Variants in KCNN2 observed in about 807,000 individuals in gnomAD.
KCNN2 encodes small conductance calcium-activated potassium channel protein 2.
Under a neutral mutation model 55.5 loss-of-function variants are expected in KCNN2, and 24 were observed. That is an observed-to-expected ratio of 0.43 (90% CI 0.31 to 0.61). The LOEUF (loss-of-function observed/expected upper bound fraction) is 0.61, where lower values mean the gene tolerates loss of function less well. KCNN2 is among the 20% of genes least tolerant of loss of function. KCNN2 has a pLI of 0.08. For missense variants in KCNN2, 754 were observed against 853.6 expected, an observed-to-expected ratio of 0.88 and a Z score of 1.45; for synonymous variants, 431 against 336.1, an observed-to-expected ratio of 1.28 and a Z score of -3.09.
intron 2 of KCNN2, among the ~76,000 whole-genome samples, chr5:114,265,347 G>C (rs1755189105): frequency 6.7e-6 from 1 of 149,330 alleles, no homozygotes; most frequent in Admixed American, 6.7e-5. Context: ...GTGTGTGTGT[G>C]TGTGTGTGTG....
chr5:114,363,264 A>G lies in KCNN2; in HGVS notation c.1122+3A>G. Reference sequence around the variant, plus strand: ...TGTCGTGGGGCGCCTACGACAAGGTACAGGCTTGAACCCCAGCCCACGCTA... The same window carrying G: ...TGTCGTGGGGCGCCTACGACAAGGTGCAGGCTTGAACCCCAGCCCACGCTA... On this transcript the variant is annotated splice_donor_region_variant and intron_variant, in intron 1 of 7. Coordinates refer to ENST00000673685, the MANE Select transcript of KCNN2 (RefSeq NM_021614.4). 6.3e-7 allele frequency: 1 copy of G among 1,592,462 alleles called. No individual in the cohort carries two copies. The highest frequency in any genetic ancestry group is 1.1e-5 in the South Asian group (1 of 88,708).
At chr5:114,345,946 A>G (rs1429584457) in intron 2 of KCNN2, among the ~76,000 whole-genome samples, 1 of 151,952 alleles carries the variant, frequency 6.6e-6, no homozygotes, top group Non-Finnish European at 1.5e-5. Context: ...GTGCCTGGCT[A>G]ATTTTTGTAT....
chr5:114,290,812 C>G (rs1755872135), intron 2 of KCNN2, among the ~76,000 whole-genome samples: 3 of 152,022 alleles, frequency 2.0e-5, no homozygotes. Flanking sequence ...CTCTAAATAT[C>G]TTCTAATCCT....
intron 2 of KCNN2, among the ~76,000 whole-genome samples, chr5:114,332,558 AT>A (rs1196193518): frequency 3.3e-5 from 5 of 152,208 alleles, no homozygotes; most frequent in Non-Finnish European, 1.5e-5. Flanking sequence ...TGGGGTTGAT[AT>A]TTAACCAAAT....
chr5:114,429,818 CTTTTTTTTT>C (rs61595962), intron 3 of KCNN2, among the ~76,000 whole-genome samples: 2 of 71,244 alleles, frequency 2.8e-5, no homozygotes, highest in African/African-American at 5.5e-5. Context: ...TATATAGATG[CTTTTTTTTT>C]TTTTTTTTTT....
intron 2 of KCNN2, among the ~76,000 whole-genome samples, chr5:114,369,926 C>T (rs1258015157): frequency 1.3e-5 from 2 of 151,988 alleles, no homozygotes; most frequent in African/African-American, 2.4e-5. Flanking sequence ...TCCCAAACCA[C>T]GTTTGGCAGG....
intron 1 of KCNN2, among the ~76,000 whole-genome samples, chr5:114,122,059 A>C (rs533246028): frequency 6.6e-6 from 1 of 152,344 alleles, no homozygotes; most frequent in African/African-American, 2.4e-5. Flanking sequence ...TTGCATGTGT[A>C]GGCATTGTCA....
chr5:114,476,031 TTAC>T (rs758861824), intron 5 of KCNN2, among the ~76,000 whole-genome samples: 2 of 152,146 alleles, frequency 1.3e-5, no homozygotes, highest in African/African-American at 4.8e-5. Context: ...TGTTATTTCA[TTAC>T]TACTTTTTTT....
intron 2 of KCNN2, among the ~76,000 whole-genome samples, chr5:114,398,491 T>G (rs1758688412): frequency 6.6e-6 from 1 of 151,858 alleles, no homozygotes; most frequent in Admixed American, 6.6e-5. Flanking sequence ...GTTGTTTTTT[T>G]TTTTTTGTAG....
At chr5:114,079,960 A>AT (rs1433152803) in intron 1 of KCNN2, among the ~76,000 whole-genome samples, 1 of 151,834 alleles carries the variant, frequency 6.6e-6, no homozygotes, top group South Asian at 2.1e-4. Context: ...CTCCTGTATG[A>AT]TTTTTTTATT....
intron 3 of KCNN2, among the ~76,000 whole-genome samples, chr5:114,412,341 CTT>C (rs1759162259): frequency 2.6e-5 from 4 of 152,144 alleles, no homozygotes; most frequent in Admixed American, 2.6e-4. Context: ...CTTTTAATAA[CTT>C]AATCTGTTCC....
intron 2 of KCNN2, among the ~76,000 whole-genome samples, chr5:114,273,501 C>G (rs894201363): frequency 1.3e-5 from 2 of 152,126 alleles, no homozygotes; most frequent in Non-Finnish European, 2.9e-5. Flanking sequence ...TTTTCCATAT[C>G]CTCTCCAGCA....
At chr5:114,327,388 A>T (rs1294571383) in intron 2 of KCNN2, among the ~76,000 whole-genome samples, 1 of 152,234 alleles carries the variant, frequency 6.6e-6, no homozygotes, top group Non-Finnish European at 1.5e-5. Flanking sequence ...CCTTCACTAG[A>T]CAATGGGATT....
At chr5:114,379,339 T>C (rs1430643446) in intron 2 of KCNN2, among the ~76,000 whole-genome samples, 1 of 151,772 alleles carries the variant, frequency 6.6e-6, no homozygotes, top group African/African-American at 2.4e-5. Context: ...TTCTTGTGCC[T>C]TCATTCTGAT....
chr5:114,362,814 G>T lies in KCNN2; in HGVS notation c.675G>T (p.Pro225=). The change falls in exon 1 of 8, where the codon CCG becomes CCT. Residue 225 remains proline (P), a synonymous_variant. Transcript: ENST00000673685. ...SCRYNGGVMR[P]LSNLSASRRN... is the part of the protein sequence containing the mutation. ...GGTACAACGGGGGCGTCATGCGGCC[G>T]CTCAGCAACTTGAGCGCGTCCCGCC... is the stretch of plus-strand genomic sequence containing the variant. 1.3e-6 allele frequency: 2 copies of T among 1,598,218 alleles called. No homozygotes were observed. Among genetic ancestry groups the T allele is most frequent in the Middle Eastern group, 1.7e-4 (1 of 6,046 alleles).
intron 4 of KCNN2, among the ~76,000 whole-genome samples, chr5:114,472,245 A>G (rs1157808275): frequency 1.6e-5 from 1 of 63,802 alleles, no homozygotes; most frequent in Non-Finnish European, 5.2e-5. Context: ...CTCGTCTTTC[A>G]GCACAGAAGA....
intron 2 of KCNN2, among the ~76,000 whole-genome samples, chr5:114,289,899 T>C (rs756679474): frequency 1.3e-5 from 2 of 152,222 alleles, no homozygotes; most frequent in Non-Finnish European, 2.9e-5. Flanking sequence ...AATTCATTTC[T>C]AGGCATTTTA....
intron 2 of KCNN2, among the ~76,000 whole-genome samples, chr5:114,327,828 T>C (rs1756740795): frequency 6.6e-6 from 1 of 152,212 alleles, no homozygotes; most frequent in South Asian, 2.1e-4. Context: ...ATCAAACAGA[T>C]ATATGTCAAT....
intron 2 of KCNN2, among the ~76,000 whole-genome samples, chr5:114,303,122 TG>T (rs930829360): frequency 6.6e-6 from 1 of 152,264 alleles, no homozygotes; most frequent in African/African-American, 2.4e-5. Flanking sequence ...GGCCTGCTTC[TG>T]AAAGCAGGGA....
Sources: gnomAD v4.1 joint callset for allele counts (sites outside exome capture counted in the v4.1 genomes callset) on GRCh38, gnomAD v4.1.1 for gene constraint, MANE v1.5 for transcripts, NCBI Gene and HGNC (gene_info 2026-07-23, HGNC 2026-07-21) for gene names.